PARP6: variants seen among roughly 807,000 people sequenced by gnomAD.
The protein encoded by PARP6 is poly(ADP-ribose) polymerase family member 6, also known as protein mono-ADP-ribosyltransferase PARP6.
A neutral mutation model predicts 92.0 loss-of-function variants in PARP6; 27 were observed. That is an observed-to-expected ratio of 0.29 (90% CI 0.22 to 0.40). The LOEUF (loss-of-function observed/expected upper bound fraction) is 0.40. PARP6 is among the 10% of genes least tolerant of loss of function. The pLI, the probability that PARP6 is intolerant of heterozygous loss-of-function variation, is 1.00. For missense variants in PARP6, 501 were observed against 784.5 expected, an observed-to-expected ratio of 0.64 and a Z score of 4.32; for synonymous variants, 272 against 281.2, an observed-to-expected ratio of 0.97 and a Z score of 0.33.
intron 20 of PARP6, among the ~76,000 whole-genome samples, chr15:72,248,824 GAGAGA>G (rs1446809782): frequency 6.6e-6 from 1 of 152,226 alleles, no homozygotes; most frequent in African/African-American, 2.4e-5. Context: ...ATGGTTGAGA[GAGAGA>G]ACAGTGTCTC....
rs371444869 is a variant in PARP6, at chr15:72,265,423, C to G, written c.227G>C (p.Ser76Thr). The G allele has an allele frequency of 6.2e-7, 1 of 1,613,306 alleles. No individual in the cohort carries two copies. Among genetic ancestry groups the G allele is most frequent in the African/African-American group, 1.3e-5 (1 of 75,024 alleles). ...DVDIDLHINI[S>T]FLDEEVSTAW... is the part of the protein sequence containing the mutation. ...ACTAGCCCCACTTACATCGAGGAAGCTGATGTTGATGTGGAGGTCAATGTC... is the reference window on the plus strand; with the variant it reads ...ACTAGCCCCACTTACATCGAGGAAGGTGATGTTGATGTGGAGGTCAATGTC... The change falls in exon 6 of 24, where the codon AGC (serine) becomes ACC (threonine). Residue 76 changes from serine to threonine, a missense_variant. This residue lies in a region of PARP6 where 291 missense variants were observed against 352.0 expected (regional missense o/e 0.83). Transcript: ENST00000569795.
intron 8 of PARP6, among the ~76,000 whole-genome samples, chr15:72,264,106 A>C (rs746917031): frequency 1.3e-5 from 2 of 152,076 alleles, no homozygotes; most frequent in African/African-American, 2.4e-5. Context: ...AACCTTACAT[A>C]TTCACCTGTA....
intron 14 of PARP6, among the ~76,000 whole-genome samples, chr15:72,254,970 G>C (rs983580359): frequency 6.6e-6 from 1 of 152,124 alleles, no homozygotes; most frequent in Non-Finnish European, 1.5e-5. Flanking sequence ...TTCTGGTTGA[G>C]ATTAACATTT....
chr15:72,241,317 C>T lies in PARP6; in HGVS notation c.*138G>A, dbSNP rs1283305737. On this transcript the variant is annotated 3_prime_UTR_variant, in exon 24 of 24. Transcript: ENST00000569795. The surrounding 1 kb of genome is among the most constrained non-coding windows in gnomAD (Gnocchi z 4.1). ...GGGTCAAGCTCTACCATGAAGGCCA[C>T]CTCTTACATATCCTTTTCCTGCCCC... 8.4e-6 allele frequency: 6 copies of T among 717,638 alleles called. No homozygotes were observed. The highest frequency in any genetic ancestry group is 1.5e-5 in the Non-Finnish European group (6 of 394,380). The allele number at this position is 717,638 out of a possible 1,614,324, so 44.5% of individuals were successfully genotyped here. A position where few individuals can be genotyped will look rare whatever the true frequency, so the allele number is the denominator to read the frequency against.
At chr15:72,252,361 G>A (rs1452870312) in intron 16 of PARP6, among the ~76,000 whole-genome samples, 3 of 152,206 alleles carry the variant, frequency 2.0e-5, no homozygotes, top group Non-Finnish European at 4.4e-5. Flanking sequence ...CAAAATCACT[G>A]TGGTAGATTT....
intron 14 of PARP6, among the ~76,000 whole-genome samples, chr15:72,255,585 C>G (rs576888042): frequency 6.6e-6 from 1 of 151,462 alleles, no homozygotes; most frequent in East Asian, 2.0e-4. Context: ...AGCCTTGGGA[C>G]TGGGACTACC....
At chr15:72,270,955 T>C (rs1256638853) in intron 2 of PARP6, 68 bp downstream of exon 2, 1 of 152,144 alleles carries the variant, frequency 6.6e-6, no homozygotes, top group Non-Finnish European at 1.5e-5. Flanking sequence ...ATATATACAA[T>C]AACCTGCATG....
rs185428544 is a variant in PARP6 at position 72,263,253 on chromosome 15, T to C, written c.395+1302A>G. Among the ~76,000 whole-genome samples, 173 of 152,338 alleles carry C rather than the reference T, an allele frequency of 1.1e-3. 1 individual carries two copies. Among genetic ancestry groups the C allele is most frequent in the African/African-American group, 3.9e-3 (162 of 41,568 alleles). Reference sequence around the variant, plus strand: ...GGCCCTTATGGCTATATTCAATATATCTAAATCAGTCTTCAAGTCTTATTG... The same window carrying C: ...GGCCCTTATGGCTATATTCAATATACCTAAATCAGTCTTCAAGTCTTATTG... On this transcript the variant is annotated intron_variant, in intron 8 of 23. Coordinates refer to ENST00000569795, the MANE Select transcript of PARP6 (RefSeq NM_001323532.2).
At chr15:72,263,846 A>T (rs1257932581) in intron 8 of PARP6, among the ~76,000 whole-genome samples, 2 of 151,718 alleles carry the variant, frequency 1.3e-5, no homozygotes, top group Non-Finnish European at 1.5e-5. Context: ...ACATGGAGAA[A>T]CCCCCATCTC....
Position 72,258,143 on chromosome 15 carries a change from AAC to A in PARP6, c.811-13_811-12del, listed in dbSNP as rs1202851134. Reference sequence around the variant, plus strand: ...TGCATACTTCATGATCTGAGAAAACAACAGATTCTAAGTCTTTTGGAAGTACT... The same window carrying A: ...TGCATACTTCATGATCTGAGAAAACAAGATTCTAAGTCTTTTGGAAGTACT... On this transcript the variant is annotated splice_polypyrimidine_tract_variant and intron_variant, in intron 11 of 23. Transcript: ENST00000569795. The A allele has an allele frequency of 2.5e-6, 4 of 1,587,008 alleles. No homozygotes were observed. Among genetic ancestry groups the A allele is most frequent in the Non-Finnish European group, 3.5e-6 (4 of 1,155,386 alleles).
intron 14 of PARP6, among the ~76,000 whole-genome samples, chr15:72,255,541 A>C (rs565213646): frequency 9.4e-4 from 143 of 152,190 alleles, no homozygotes; most frequent in Non-Finnish European, 1.6e-3. Flanking sequence ...TACAGGCAGA[A>C]GCCACTGCGC....
chr15:72,251,419 G>A (rs1240425940), intron 16 of PARP6, 164 bp from the exon 17 acceptor site: 1 of 523,352 alleles, frequency 1.9e-6, no homozygotes, highest in Non-Finnish European at 3.4e-6. Context: ...ATTCCTGTGG[G>A]TGATAGTGCT....
intron 20 of PARP6, chr15:72,244,079 G>T (rs1373919190): frequency 2.0e-5 from 3 of 151,666 alleles, no homozygotes; most frequent in African/African-American, 7.3e-5. Context: ...TCCTTTTACA[G>T]GACAGGTACT....
chr15:72,247,006 C>T (rs1053535076), intron 20 of PARP6, among the ~76,000 whole-genome samples: 2 of 152,146 alleles, frequency 1.3e-5, no homozygotes, highest in Non-Finnish European at 2.9e-5. Context: ...GATCTCCCTG[C>T]CTTGGCCTCC....
chr15:72,270,168 C>A (rs1219852939), intron 2 of PARP6, among the ~76,000 whole-genome samples: 1 of 152,020 alleles, frequency 6.6e-6, no homozygotes, highest in Middle Eastern at 3.2e-3. Flanking sequence ...GTTGCCTGAT[C>A]CTTCAGAAAC....
chr15:72,242,271 T>C lies in PARP6; in HGVS notation c.1642-51A>G. 1.4e-6 allele frequency: 2 copies of C among 1,450,588 alleles called. No individual in the cohort carries two copies. The highest frequency in any genetic ancestry group is 1.9e-6 in the Non-Finnish European group (2 of 1,031,876). The allele number at this position is 1,450,588 out of a possible 1,614,324, so 89.9% of individuals were successfully genotyped here. ...CCAGAGCCAGGTAGATGGGTACAGC[T>C]TTCCCTAGAGAGGCTGGTTAGCTGA... On this transcript the variant is annotated intron_variant, in intron 21 of 23. Transcript: ENST00000569795. This position sits in a 1 kb window ranked among gnomAD's most constrained non-coding sequence, Gnocchi z 4.3.
At chr15:72,244,507 A>C (rs1208624242) in intron 20 of PARP6, 1 of 152,228 alleles carries the variant, frequency 6.6e-6, no homozygotes, top group Admixed American at 6.5e-5. Flanking sequence ...CCCCTATTTC[A>C]ACCTGAACTT....
At chr15:72,250,233 TAC>T in intron 18 of PARP6, 141 bp from the exon 19 acceptor site, 1 of 656,994 alleles carries the variant, frequency 1.5e-6, no homozygotes, top group Non-Finnish European at 2.9e-6. Flanking sequence ...TGCACATGGA[TAC>T]AGTCACAGGC....
In PARP6 at chr15:72,241,246, CAG is replaced by C; in HGVS notation, c.*207_*208del. On this transcript the variant is annotated 3_prime_UTR_variant, in exon 24 of 24. Coordinates refer to ENST00000569795, the MANE Select transcript of PARP6 (RefSeq NM_001323532.2). This position sits in a 1 kb window ranked among gnomAD's most constrained non-coding sequence, Gnocchi z 4.1. The stretch of plus-strand genomic sequence containing the variant: ...AACAGGGTGAAGTCAAAGGGAAAGT[CAG>C]GGGATGGAGTCAGTCTGGGCCATCC... The C allele has an allele frequency of 5.9e-6, 4 of 678,878 alleles. No homozygotes were observed. The Middle Eastern group carries it at 7.6e-4, about 129-fold the overall frequency. The allele number at this position is 678,878 out of a possible 1,614,324, so 42.1% of individuals were successfully genotyped here.
Sources: gnomAD v4.1 joint callset for allele counts (sites outside exome capture counted in the v4.1 genomes callset) on GRCh38, gnomAD v4.1.1 for gene constraint, gnomAD v4.1.1 regional missense constraint, Gnocchi (gnomAD v3.1) non-coding constraint, MANE v1.5 for transcripts, NCBI Gene and HGNC (gene_info 2026-07-23, HGNC 2026-07-21) for gene names.